The following KLHL8 variants were observed in gnomAD, a reference collection of about 807,000 sequenced individuals.
KLHL8 encodes the protein kelch-like protein 8.
Under a neutral mutation model 63.5 loss-of-function variants are expected in KLHL8, and 38 were observed. That is an observed-to-expected ratio of 0.60 (90% confidence interval 0.46 to 0.78). KLHL8 has a LOEUF of 0.78. KLHL8 is among the 30% of genes least tolerant of loss of function. The pLI is 0.00. For synonymous variants in KLHL8, 224 were observed against 254.3 expected, an observed-to-expected ratio of 0.88 and a Z score of 1.13; for missense variants, 566 against 752.4, an observed-to-expected ratio of 0.75 and a Z score of 2.90.
At chr4:87,179,851 AAC>A (rs1730984376) in intron 4 of KLHL8, among the ~76,000 whole-genome samples, 2 of 152,268 alleles carry the variant, frequency 1.3e-5, no homozygotes, top group Non-Finnish European at 2.9e-5. Context: ...TAAAAAAAAA[AAC>A]AGTGTAGTGT....
intron 1 of KLHL8, among the ~76,000 whole-genome samples, chr4:87,235,834 T>C (rs1055032749): frequency 1.3e-5 from 2 of 151,798 alleles, no homozygotes; most frequent in Non-Finnish European, 2.9e-5. Flanking sequence ...CCAGAAGGAT[T>C]AGGCCAAAAC....
At chr4:87,236,746 A>T (rs10000324) in intron 1 of KLHL8, among the ~76,000 whole-genome samples, 70,587 of 146,710 alleles carry the variant, frequency 0.48, 17,857 homozygotes, top group African/African-American at 0.66. Context: ...CTCACTGCAA[A>T]CTCTACCTCC....
chr4:87,193,936 GAAGTA>G (rs959488274), intron 2 of KLHL8, among the ~76,000 whole-genome samples: 1 of 152,214 alleles, frequency 6.6e-6, no homozygotes, highest in Non-Finnish European at 1.5e-5. Flanking sequence ...CGGAATGGAT[GAAGTA>G]AAGGTGATCT....
At chr4:87,194,125 G>A (rs1365639482) in intron 2 of KLHL8, among the ~76,000 whole-genome samples, 1 of 152,140 alleles carries the variant, frequency 6.6e-6, no homozygotes, top group Non-Finnish European at 1.5e-5. Flanking sequence ...ATATTAAGAG[G>A]GGGAACCTTT....
upstream of KLHL8, among the ~76,000 whole-genome samples, chr4:87,222,134 A>C (rs116118071): frequency 2.6e-3 from 390 of 152,308 alleles, 1 homozygote; most frequent in African/African-American, 9.2e-3. Flanking sequence ...CCTGCCAAAG[A>C]GGAACATATT....
chr4:87,187,322 A>T (rs1165310580), intron 2 of KLHL8, among the ~76,000 whole-genome samples: 1 of 151,892 alleles, frequency 6.6e-6, no homozygotes, highest in Non-Finnish European at 1.5e-5. Context: ...CGGCCTCCAA[A>T]AGTGCTAAGA....
chr4:87,226,866 ATT>A (rs1560723777), intron 1 of KLHL8, among the ~76,000 whole-genome samples: 1 of 35,740 alleles, frequency 2.8e-5, no homozygotes, highest in Non-Finnish European at 4.7e-5. Flanking sequence ...AATAATATAT[ATT>A]ATATATAAAT....
intron 1 of KLHL8, among the ~76,000 whole-genome samples, chr4:87,235,922 G>T (rs1413285738): frequency 1.3e-5 from 2 of 152,202 alleles, no homozygotes; most frequent in East Asian, 3.9e-4. Context: ...GGGGAAGGGG[G>T]AATCGAAGGC....
intron 1 of KLHL8, among the ~76,000 whole-genome samples, chr4:87,216,582 T>C (rs1345575236): frequency 6.6e-6 from 1 of 152,202 alleles, no homozygotes; most frequent in African/African-American, 2.4e-5. Context: ...AGACCATTTA[T>C]GCTCACGCTA....
At chr4:87,171,304 C>T (rs143507860) in intron 6 of KLHL8, among the ~76,000 whole-genome samples, 1 of 152,252 alleles carries the variant, frequency 6.6e-6, no homozygotes, top group Non-Finnish European at 1.5e-5. Context: ...TCATCTGAGA[C>T]ATAGATGGAT....
chr4:87,219,460 C>G (rs1240463997), intron 1 of KLHL8: 1 of 150,944 alleles, frequency 6.6e-6, no homozygotes, highest in African/African-American at 2.4e-5. Context: ...GACCTTTTCC[C>G]AAAGTATCCC....
chr4:87,186,232 G>A (rs1731249720), intron 2 of KLHL8, among the ~76,000 whole-genome samples: 1 of 151,766 alleles, frequency 6.6e-6, no homozygotes, highest in African/African-American at 2.4e-5. Flanking sequence ...TTTTTCAGTA[G>A]AGACAGGGTT....
chr4:87,221,392 T>TAAAAA (rs71660123), upstream of KLHL8: 23 of 86,992 alleles, frequency 2.6e-4, no homozygotes, highest in African/African-American at 4.9e-4. Context: ...AGACTCCGTC[T>TAAAAA]AAAAAAAAAA....
At chr4:87,227,559 A>C (rs1052339474) in intron 1 of KLHL8, among the ~76,000 whole-genome samples, 1 of 152,140 alleles carries the variant, frequency 6.6e-6, no homozygotes, top group Non-Finnish European at 1.5e-5. Context: ...CTGAGGTGGG[A>C]GGATCCCTTG....
intron 3 of KLHL8, 43 bp downstream of exon 3, chr4:87,185,208 C>A: frequency 6.7e-7 from 1 of 1,498,964 alleles, no homozygotes; most frequent in South Asian, 1.3e-5. Flanking sequence ...GATTTGCTTC[C>A]ATATCACTTC....
At chr4:87,171,546 T>C (rs1730636417) in intron 6 of KLHL8, among the ~76,000 whole-genome samples, 1 of 152,214 alleles carries the variant, frequency 6.6e-6, no homozygotes, top group African/African-American at 2.4e-5. Context: ...TACCAAATAC[T>C]GTGCTGATAA....
upstream of KLHL8, among the ~76,000 whole-genome samples, chr4:87,225,187 G>A (rs374781800): frequency 6.6e-5 from 10 of 151,992 alleles, no homozygotes; most frequent in African/African-American, 2.4e-4. Flanking sequence ...TAATCATCTA[G>A]TATTAACTTA....
intron 1 of KLHL8, among the ~76,000 whole-genome samples, chr4:87,199,145 A>T (rs147867072): frequency 1.3e-5 from 2 of 152,230 alleles, no homozygotes; most frequent in Non-Finnish European, 2.9e-5. Flanking sequence ...GGAATTGGAT[A>T]GAAAGAAGAC....
Position 87,170,625 on chromosome 4 carries a change from C to A in KLHL8, c.1209-10G>T. 1 of 1,595,226 alleles carries A rather than the reference C, an allele frequency of 6.3e-7. No individual in the cohort carries two copies. Among genetic ancestry groups the A allele is most frequent in the Non-Finnish European group, 8.5e-7 (1 of 1,174,472 alleles). On this transcript the variant is annotated splice_polypyrimidine_tract_variant and intron_variant, in intron 6 of 9. Transcript: ENST00000273963. The stretch of plus-strand genomic sequence containing the variant: ...CAAGGCAATTCCTCGCCTGCAAAGA[C>A]AATAAAACATACTTTAGCAAATGAG...
Sources: gnomAD v4.1 joint callset for allele counts (sites outside exome capture counted in the v4.1 genomes callset) on GRCh38, gnomAD v4.1.1 for gene constraint, MANE v1.5 for transcripts, NCBI Gene and HGNC (gene_info 2026-07-23, HGNC 2026-07-21) for gene names.